Variants in SMAP1 observed in about 807,000 individuals in gnomAD.
SMAP1 encodes the protein stromal membrane-associated protein 1.
SMAP1 carries 24 observed loss-of-function variants against 58.5 expected under a neutral mutation model. That is an observed-to-expected ratio of 0.41 (90% CI 0.30 to 0.58). SMAP1 has a LOEUF of 0.58. Among genes scored for constraint, SMAP1 ranks in the 20% least tolerant of loss-of-function variants. The probability of loss-of-function intolerance (pLI) is 0.29; values close to 1 mark genes in which losing one functional copy is unlikely to be tolerated. For synonymous variants in SMAP1, 216 were observed against 196.6 expected, an observed-to-expected ratio of 1.10 and a Z score of -0.82; for missense variants, 563 against 566.3, an observed-to-expected ratio of 0.99 and a Z score of 0.06.
In SMAP1 at chr6:70,860,675, A is replaced by G. The variant is rs1771679743; in HGVS notation, c.*341A>G. On this transcript the variant is annotated 3_prime_UTR_variant, in exon 11 of 11. Coordinates refer to ENST00000370455, the MANE Select transcript of SMAP1 (RefSeq NM_001044305.3). ...AAGGGAAGTAGTTATCATGTTAGTA[A>G]TACCTCTAATAGTATAAACCCCACC... The G allele has an allele frequency of 2.4e-6, 1 of 415,852 alleles. No homozygotes were observed. The highest frequency in any genetic ancestry group is 4.2e-6 in the Non-Finnish European group (1 of 235,850). 25.8% of individuals were successfully genotyped at this position (415,852 alleles called of 1,614,324 possible). A position where few individuals can be genotyped will look rare whatever the true frequency, so the allele number is the denominator to read the frequency against.
At position 70,806,320 on chromosome 6, in the gene SMAP1, C is replaced by T. The variant is rs189373602; in HGVS notation, c.576+7583C>T. Among the ~76,000 whole-genome samples, 548 of 152,338 alleles carry T rather than the reference C, an allele frequency of 3.6e-3. 6 individuals are homozygous for T. The highest frequency in any genetic ancestry group is 0.012 in the African/African-American group (513 of 41,578). On this transcript the variant is annotated intron_variant, in intron 6 of 10. Coordinates refer to ENST00000370455, the MANE Select transcript of SMAP1 (RefSeq NM_001044305.3). ...AGCGTGGGACCTGCCAAGCCAGGCA[C>T]GGGAGAGAATCTCCTGGTCTGCCGG...
chr6:70,837,871 C>A, intron 7 of SMAP1: 1 of 1,240,962 alleles, frequency 8.1e-7, no homozygotes, highest in Non-Finnish European at 1.0e-6. Context: ...AAAAATTGAT[C>A]CTAGTTGTTA....
At chr6:70,810,484 A>G (rs946245874) in intron 6 of SMAP1, among the ~76,000 whole-genome samples, 2 of 152,202 alleles carry the variant, frequency 1.3e-5, no homozygotes, top group Non-Finnish European at 2.9e-5. Context: ...TTCCCATGGA[A>G]ATATATATAT....
intron 2 of SMAP1, among the ~76,000 whole-genome samples, chr6:70,746,751 C>T (rs1030756133): frequency 6.6e-6 from 1 of 152,066 alleles, no homozygotes; most frequent in Non-Finnish European, 1.5e-5. Context: ...GGAATGGTAC[C>T]AGCTCCTCTT....
chr6:70,861,600 T>G lies in SMAP1; in HGVS notation c.*1266T>G. 6.7e-7 allele frequency: 1 copy of G among 1,482,862 alleles called. No homozygotes were observed. The highest frequency in any genetic ancestry group is 1.2e-5 in the South Asian group (1 of 83,612). 91.9% of individuals were successfully genotyped at this position (1,482,862 alleles called of 1,614,324 possible). Reference sequence around the variant, plus strand: ...TACCTGAATGCTCTGTAGCCTAAACTCCAAACATCCTCTTCCATATGGATC... The same window carrying G: ...TACCTGAATGCTCTGTAGCCTAAACGCCAAACATCCTCTTCCATATGGATC... On this transcript the variant is annotated 3_prime_UTR_variant, in exon 11 of 11. Coordinates refer to ENST00000370455, the MANE Select transcript of SMAP1 (RefSeq NM_001044305.3).
intron 3 of SMAP1, among the ~76,000 whole-genome samples, chr6:70,761,468 T>A (rs1337855095): frequency 2.0e-5 from 3 of 152,080 alleles, no homozygotes; most frequent in Non-Finnish European, 4.4e-5. Context: ...TCCTTATATC[T>A]CAAATGACTT....
At chr6:70,814,863 T>A (rs1769550088) in intron 6 of SMAP1, among the ~76,000 whole-genome samples, 1 of 152,194 alleles carries the variant, frequency 6.6e-6, no homozygotes, top group African/African-American at 2.4e-5. Flanking sequence ...CAGTCACACT[T>A]ACCATCTTAT....
At chr6:70,721,851 A>G (rs968456223) in intron 1 of SMAP1, among the ~76,000 whole-genome samples, 1 of 152,188 alleles carries the variant, frequency 6.6e-6, no homozygotes, top group Non-Finnish European at 1.5e-5. Flanking sequence ...CTTATTAACT[A>G]TAACGAAAAT....
At chr6:70,757,889 T>C (rs1466583658) in intron 3 of SMAP1, among the ~76,000 whole-genome samples, 2 of 151,544 alleles carry the variant, frequency 1.3e-5, no homozygotes, top group African/African-American at 4.8e-5. Context: ...GGAGAGGATG[T>C]GGAGAAATAG....
intron 4 of SMAP1, among the ~76,000 whole-genome samples, chr6:70,777,064 C>A (rs1487179604): frequency 1.3e-5 from 2 of 152,164 alleles, no homozygotes; most frequent in African/African-American, 4.8e-5. Context: ...GAGAAACCTC[C>A]ATATTATCCA....
chr6:70,841,686 A>G (rs1438000808), intron 7 of SMAP1, among the ~76,000 whole-genome samples: 1 of 152,230 alleles, frequency 6.6e-6, no homozygotes, highest in Admixed American at 6.5e-5. Context: ...TCAAAGGAAC[A>G]TACAGTTTTG....
chr6:70,747,410 A>G (rs537187912), intron 2 of SMAP1, among the ~76,000 whole-genome samples: 3 of 152,198 alleles, frequency 2.0e-5, no homozygotes, highest in Non-Finnish European at 4.4e-5. Context: ...TATATGTGTC[A>G]GAGGAGGTAA....
intron 1 of SMAP1, among the ~76,000 whole-genome samples, chr6:70,716,281 C>G (rs1768266760): frequency 6.6e-6 from 1 of 152,202 alleles, no homozygotes; most frequent in Admixed American, 6.5e-5. Flanking sequence ...TATATGGTCC[C>G]ATCTGGGGGT....
chr6:70,850,663 T>C (rs920421392), intron 7 of SMAP1, among the ~76,000 whole-genome samples: 4 of 152,132 alleles, frequency 2.6e-5, no homozygotes, highest in African/African-American at 7.2e-5. Context: ...TCTCTAACTC[T>C]GTAGCTCATG....
chr6:70,768,112 T>C (rs1474676013), intron 3 of SMAP1, among the ~76,000 whole-genome samples: 1 of 152,218 alleles, frequency 6.6e-6, no homozygotes, highest in East Asian at 1.9e-4. Context: ...CACTTGATCA[T>C]GGTGGTTAAG....
chr6:70,754,766 C>T (rs1766415512), intron 2 of SMAP1, among the ~76,000 whole-genome samples: 1 of 152,042 alleles, frequency 6.6e-6, no homozygotes. Flanking sequence ...TATGGATCAA[C>T]ATACGTTGAT....
intron 7 of SMAP1, chr6:70,837,967 C>T: frequency 9.8e-7 from 1 of 1,023,206 alleles, no homozygotes; most frequent in Non-Finnish European, 1.2e-6. Context: ...CAAATATACT[C>T]CCTGGAGGTA....
Position 70,668,183 on chromosome 6 carries a change from C to G in SMAP1, c.118+42C>G, listed in dbSNP as rs747979938. ...CGCTGCCCACGGTCGGGGCCTCTTG[C>G]GACCGGTGACCTTCCCGCCGCTGCG... On this transcript the variant is annotated intron_variant, in intron 1 of 10. Transcript: ENST00000370455. The G allele has an allele frequency of 3.9e-6, 6 of 1,536,194 alleles. No homozygotes were observed. The East Asian group carries it at 1.2e-4, about 32-fold the overall frequency.
intron 7 of SMAP1, among the ~76,000 whole-genome samples, chr6:70,841,482 CA>C (rs1358984783): frequency 2.0e-5 from 2 of 101,210 alleles, no homozygotes; most frequent in East Asian, 9.7e-4. Flanking sequence ...AAATCTAGCT[CA>C]GGGGTGTACA....
Sources: gnomAD v4.1 joint callset for allele counts (sites outside exome capture counted in the v4.1 genomes callset) on GRCh38, gnomAD v4.1.1 for gene constraint, MANE v1.5 for transcripts, NCBI Gene and HGNC (gene_info 2026-07-23, HGNC 2026-07-21) for gene names.